DST: variants seen among roughly 807,000 people sequenced by gnomAD.
DST encodes bullous pemphigoid antigen.
In DST, 253 loss-of-function variants were observed where a neutral mutation model predicts 875.2. The observed-to-expected ratio is 0.29, with a 90% CI of 0.26 to 0.32. The LOEUF (loss-of-function observed/expected upper bound fraction) is 0.32, where lower values mean the gene tolerates loss of function less well. DST is among the 10% of genes least tolerant of loss of function. DST has a pLI of 1.00. For missense variants in DST, 8,287 were observed against 9,111.6 expected, an observed-to-expected ratio of 0.91 and a Z score of 3.68; for synonymous variants, 3,124 against 3,197.1, an observed-to-expected ratio of 0.98 and a Z score of 0.77.
chr6:56,617,310 A>G lies in DST; in HGVS notation c.4930-2826T>C, dbSNP rs2152732116. The G allele has an allele frequency of 2.5e-6, 4 of 1,613,900 alleles. No homozygotes were observed. The highest frequency in any genetic ancestry group is 1.1e-5 in the South Asian group (1 of 91,006). On this transcript the variant is annotated intron_variant, in intron 36 of 103. Transcript: ENST00000680361. ...AAATCCCCTTTCTTGAGTCCACCAG[A>G]TGCTCTGCACCCTTCAAGCATCCAT...
At chr6:56,638,654 A>G (rs1023351575) in intron 22 of DST, among the ~76,000 whole-genome samples, 1 of 152,206 alleles carries the variant, frequency 6.6e-6, no homozygotes, top group Non-Finnish European at 1.5e-5. Flanking sequence ...CCAACTGCAT[A>G]GGCAACCTGA....
chr6:56,506,663 G>A lies in DST; in HGVS notation c.19362+4C>T. On this transcript the variant is annotated splice_donor_region_variant and intron_variant, in intron 76 of 103. Coordinates refer to ENST00000680361, the MANE Select transcript of DST (RefSeq NM_001374736.1). ...AGCCATTCTGATAAGTAAGCCAGTT[G>A]TACCTCATCTATACTCTTCTTGACA... 1 of 1,613,394 alleles carries A rather than the reference G, an allele frequency of 6.2e-7. No homozygotes were observed. The highest frequency in any genetic ancestry group is 8.5e-7 in the Non-Finnish European group (1 of 1,179,604).
chr6:56,537,084 C>A, intron 61 of DST, 144 bp from the exon 62 acceptor site: 1 of 653,694 alleles, frequency 1.5e-6, no homozygotes, highest in East Asian at 2.8e-5. Flanking sequence ...AGCCATAGGT[C>A]ATAGCTACCT....
At position 56,458,024 on chromosome 6, in the gene DST, T is replaced by C. The variant is rs550931171; in HGVS notation, c.*981A>G. The stretch of plus-strand genomic sequence containing the variant: ...AAGTGAATATGTTTTATTAAATGCA[T>C]ACTAATATCTTTCTATAGTATGTGA... On this transcript the variant is annotated 3_prime_UTR_variant, in exon 104 of 104. Transcript: ENST00000680361. 1 of 152,650 alleles carries C rather than the reference T, an allele frequency of 6.6e-6. No individual in the cohort carries two copies. The highest frequency in any genetic ancestry group is 2.1e-4 in the South Asian group (1 of 4,822). 9.5% of individuals were successfully genotyped at this position (152,650 alleles called of 1,614,324 possible).
intron 44 of DST, 57 bp downstream of exon 44, chr6:56,601,386 T>C (rs1263560585): frequency 2.9e-5 from 34 of 1,173,670 alleles, no homozygotes; most frequent in Middle Eastern, 3.9e-4. Context: ...CTTGGGTATC[T>C]ACATTATGGT....
Position 56,851,441 on chromosome 6 carries a change from C to T in DST, c.581G>A (p.Gly194Asp), listed in dbSNP as rs764468926. ...CCTCTCGGCAGGGTCCAGCACTGAGCCCCCTTGAATCTTTCTTTTCGATCT... is the reference window on the plus strand; with the variant it reads ...CCTCTCGGCAGGGTCCAGCACTGAGTCCCCTTGAATCTTTCTTTTCGATCT... ...HERSKRKIQG[G>D]SVLDPAERAV... Residue 194 changes from glycine (G) to aspartate (D), a missense_variant, in exon 4 of 104, where the codon GGC becomes GAC. By Grantham distance (94) the Gly-to-Asp change is moderately conservative. Transcript: ENST00000680361. 1 of 1,613,876 alleles carries T rather than the reference C, an allele frequency of 6.2e-7. No individual in the cohort carries two copies. The highest frequency in any genetic ancestry group is 1.1e-5 in the South Asian group (1 of 91,074).
Position 56,553,165 on chromosome 6 carries a change from C to T in DST, c.15627G>A (p.Lys5209=), listed in dbSNP as rs1384938383. The part of the protein sequence containing the change: ...AEGENSIAKL[K]SLQKEMDQHF... ...GTTGGTCCATTTCCTTCTGCAGAGA[C>T]TTTAACTTGGCAATAGAATTCTCTC... Residue 5209 remains lysine, a synonymous_variant, in exon 61 of 104, where the codon AAG becomes AAA. Coordinates refer to ENST00000680361, the MANE Select transcript of DST (RefSeq NM_001374736.1). The T allele has an allele frequency of 6.2e-7, 1 of 1,613,856 alleles. No homozygotes were observed. The highest frequency in any genetic ancestry group is 1.3e-5 in the African/African-American group (1 of 74,930).
chr6:56,560,025 G>A (rs965588271), intron 58 of DST, among the ~76,000 whole-genome samples: 6 of 151,906 alleles, frequency 3.9e-5, no homozygotes, highest in Admixed American at 3.9e-4. Flanking sequence ...ATGAAAACAG[G>A]TACTCCATGC....
intron 61 of DST, among the ~76,000 whole-genome samples, chr6:56,543,800 GA>G (rs1254407185): frequency 6.6e-6 from 1 of 152,128 alleles, no homozygotes; most frequent in Non-Finnish European, 1.5e-5. Flanking sequence ...GATGTGGGAG[GA>G]AACTTTTGTG....
In DST at chr6:56,470,153, G is replaced by C; in HGVS notation, c.22451C>G (p.Thr7484Arg). The change falls in exon 96 of 104, where the codon ACA (threonine) becomes AGA (arginine). Residue 7484 changes from threonine to arginine, a missense_variant. By Grantham distance (71) the Thr-to-Arg change is moderately conservative. This residue lies in a region of DST where 87 missense variants were observed against 209.7 expected (regional missense o/e 0.41). Coordinates refer to ENST00000680361, the MANE Select transcript of DST (RefSeq NM_001374736.1). ...HPNKDAYKPI[T>R]DADKIEDEVT... ...CTCATCTTCGATTTTGTCGGCATCT[G>C]TGATAGGTTTATATGCATCTTTATT... 3 of 1,612,832 alleles carry C rather than the reference G, an allele frequency of 1.9e-6. No homozygotes were observed. The highest frequency in any genetic ancestry group is 2.5e-6 in the Non-Finnish European group (3 of 1,179,274).
chr6:56,735,033 C>A (rs1008403166), intron 5 of DST, 195 bp downstream of exon 5: 2 of 548,550 alleles, frequency 3.6e-6, no homozygotes, highest in East Asian at 3.2e-5. Context: ...GGGTACTTAC[C>A]TATCCACCTC....
At chr6:56,518,190 AT>A (rs1182446046) in intron 69 of DST, among the ~76,000 whole-genome samples, 1 of 152,188 alleles carries the variant, frequency 6.6e-6, no homozygotes, top group African/African-American at 2.4e-5. Context: ...GGCAGAAAAC[AT>A]TTTTAAGAGC....
intron 49 of DST, among the ~76,000 whole-genome samples, chr6:56,584,570 T>A (rs1002192573): frequency 2.0e-5 from 3 of 151,076 alleles, no homozygotes; most frequent in Non-Finnish European, 4.4e-5. Context: ...CTTTTCCTAA[T>A]TGAATACCCT....
intron 4 of DST, among the ~76,000 whole-genome samples, chr6:56,806,891 C>T (rs1429660904): frequency 6.6e-6 from 1 of 152,120 alleles, no homozygotes; most frequent in Non-Finnish European, 1.5e-5. Context: ...AAGGTCACTC[C>T]ATAAGTGACA....
At chr6:56,668,427 T>A (rs2099082700) in intron 10 of DST, among the ~76,000 whole-genome samples, 1 of 152,046 alleles carries the variant, frequency 6.6e-6, no homozygotes, top group Non-Finnish European at 1.5e-5. Flanking sequence ...ATTATAGTAT[T>A]TTAAAATAGG....
chr6:56,697,026 C>T (rs1205655931), intron 9 of DST, among the ~76,000 whole-genome samples: 1 of 152,126 alleles, frequency 6.6e-6, no homozygotes, highest in Non-Finnish European at 1.5e-5. Context: ...GGCTTCTCAG[C>T]TCCACTCATG....
intron 2 of DST, among the ~76,000 whole-genome samples, chr6:56,921,326 TTTG>T (rs1373637623): frequency 6.6e-6 from 1 of 152,164 alleles, no homozygotes; most frequent in Non-Finnish European, 1.5e-5. Context: ...TCTGTAATCA[TTTG>T]TTAAAAGTAG....
chr6:56,557,892 T>A (rs2097454677), intron 58 of DST, among the ~76,000 whole-genome samples: 1 of 152,102 alleles, frequency 6.6e-6, no homozygotes. Flanking sequence ...CACTTATCCG[T>A]TCTAGGCAAA....
intron 4 of DST, among the ~76,000 whole-genome samples, chr6:56,797,342 T>C (rs1301368874): frequency 1.3e-5 from 2 of 152,096 alleles, no homozygotes; most frequent in African/African-American, 2.4e-5. Flanking sequence ...TTAGGCCAAT[T>C]AGTAACCCTA....
Sources: gnomAD v4.1 joint callset for allele counts (sites outside exome capture counted in the v4.1 genomes callset) on GRCh38, gnomAD v4.1.1 for gene constraint, gnomAD v4.1.1 regional missense constraint, MANE v1.5 for transcripts, NCBI Gene and HGNC (gene_info 2026-07-23, HGNC 2026-07-21) for gene names.